Variants in STK17B observed in about 807,000 individuals in gnomAD.
STK17B encodes the protein serine/threonine-protein kinase 17B.
In STK17B, 21 loss-of-function variants were observed where a neutral mutation model predicts 42.0. That is an observed-to-expected ratio of 0.50 (90% CI 0.35 to 0.72). The LOEUF (loss-of-function observed/expected upper bound fraction) is 0.72. Among genes scored for constraint, STK17B ranks in the 30% least tolerant of loss-of-function variants. The pLI, the probability that STK17B is intolerant of heterozygous loss-of-function variation, is 0.00. For missense variants in STK17B, 349 were observed against 446.0 expected (o/e 0.78, Z 1.96); for synonymous variants, 143 against 148.4 (o/e 0.96, Z 0.26).
intron 7 of STK17B, among the ~76,000 whole-genome samples, chr2:196,137,984 G>T (rs1053412272): frequency 4.7e-4 from 72 of 152,012 alleles, no homozygotes; most frequent in Admixed American, 4.0e-3. Context: ...TCATGAAATG[G>T]GTACTATTAT....
intron 1 of STK17B, among the ~76,000 whole-genome samples, chr2:196,169,744 A>AT (rs1176182701): frequency 6.6e-6 from 1 of 152,246 alleles, no homozygotes; most frequent in African/African-American, 2.4e-5. Context: ...CCAAATCGTA[A>AT]TTCACTAATC....
chr2:196,158,737 C>T (rs374602426), intron 2 of STK17B, among the ~76,000 whole-genome samples: 57 of 97,014 alleles, frequency 5.9e-4, no homozygotes, highest in African/African-American at 1.7e-3. Context: ...TTGGGCCAGA[C>T]GTGGTGGCTC....
At chr2:196,176,392 C>T (rs1699997134), upstream of STK17B, 1 of 152,150 alleles carries the variant, frequency 6.6e-6, no homozygotes. Context: ...ATTTGCAAAC[C>T]AAAATATTCA....
chr2:196,157,327 A>G (rs1442904993), intron 2 of STK17B, among the ~76,000 whole-genome samples: 1 of 152,210 alleles, frequency 6.6e-6, no homozygotes, highest in Non-Finnish European at 1.5e-5. Context: ...AGTCAAGGTA[A>G]AGATTTAAAC....
At position 196,168,460 on chromosome 2, in the gene STK17B, C is replaced by T. The variant is rs563458507; in HGVS notation, c.-45+2873G>A. The stretch of plus-strand genomic sequence containing the variant: ...TAAAATATTGTTTACTTAATAGCAC[C>T]GCTTAAGTACTATTTATTCAGTAAC... On this transcript the variant is annotated intron_variant, in intron 1 of 7. Coordinates refer to ENST00000263955, the MANE Select transcript of STK17B (RefSeq NM_004226.4). 3.3e-5 allele frequency among the ~76,000 whole-genome samples: 5 copies of T among 152,218 alleles called. No individual in the cohort carries two copies. In the South Asian group the frequency reaches 1.0e-3, roughly 32 times the overall value.
chr2:196,156,158 TTCAA>T (rs1165212741), intron 3 of STK17B: 8 of 225,984 alleles, frequency 3.5e-5, no homozygotes, highest in South Asian at 2.8e-4. Flanking sequence ...TCCAGAAAAA[TTCAA>T]TCAATTAGCC....
chr2:196,138,813 A>G (rs549430615), intron 7 of STK17B, among the ~76,000 whole-genome samples: 1 of 152,152 alleles, frequency 6.6e-6, no homozygotes, highest in Admixed American at 6.5e-5. Flanking sequence ...TGACCTCATG[A>G]TCTGGCCGCC....
intron 3 of STK17B, among the ~76,000 whole-genome samples, chr2:196,155,916 A>G (rs1349515205): frequency 6.6e-6 from 1 of 152,190 alleles, no homozygotes; most frequent in African/African-American, 2.4e-5. Flanking sequence ...ATAGTGCTTT[A>G]CACATTACAT....
chr2:196,163,379 G>A lies in STK17B; in HGVS notation c.5C>T (p.Ser2Leu), dbSNP rs1699837754. The change falls in exon 2 of 8, where the codon TCG becomes TTG. Residue 2 changes from serine (S) to leucine (L), a missense_variant. Coordinates refer to ENST00000263955, the MANE Select transcript of STK17B (RefSeq NM_004226.4). M[S>L]RRRFDCRSIS... ...ACTTCGGCAATCAAATCTCCTCCTC[G>A]ACATGTTAGGTGATTCCCAGGTCTG... 5 of 1,590,220 alleles carry A rather than the reference G, an allele frequency of 3.1e-6. No individual in the cohort carries two copies. Among genetic ancestry groups the A allele is most frequent in the East Asian group, 2.2e-5 (1 of 44,582 alleles).
upstream of STK17B, among the ~76,000 whole-genome samples, chr2:196,171,787 G>T (rs1381653754): frequency 1.3e-5 from 2 of 149,190 alleles, no homozygotes; most frequent in Non-Finnish European, 3.0e-5. Flanking sequence ...GCGCGGCGGC[G>T]TGGCGGCGCA....
intron 5 of STK17B, among the ~76,000 whole-genome samples, chr2:196,142,140 C>A (rs557323569): frequency 6.6e-6 from 1 of 152,086 alleles, no homozygotes; most frequent in African/African-American, 2.4e-5. Context: ...CTCACTGCAA[C>A]CTCCACCTCT....
chr2:196,161,839 A>G (rs1056213507), intron 2 of STK17B, among the ~76,000 whole-genome samples: 2 of 152,084 alleles, frequency 1.3e-5, no homozygotes, highest in African/African-American at 4.8e-5. Context: ...CTTATTTTGC[A>G]AAAGAAAGGC....
At chr2:196,160,453 T>A (rs961409718) in intron 2 of STK17B, among the ~76,000 whole-genome samples, 2 of 152,242 alleles carry the variant, frequency 1.3e-5, no homozygotes, top group Non-Finnish European at 2.9e-5. Context: ...TAATTTCCTT[T>A]AATTTGCTAA....
At chr2:196,174,700 G>T (rs962510807), upstream of STK17B, among the ~76,000 whole-genome samples, 1 of 152,354 alleles carries the variant, frequency 6.6e-6, no homozygotes, top group Admixed American at 6.5e-5. Context: ...TAGGAATAGT[G>T]AGTGTACTCA....
At chr2:196,147,813 C>G (rs558546528) in intron 3 of STK17B, among the ~76,000 whole-genome samples, 1 of 150,742 alleles carries the variant, frequency 6.6e-6, no homozygotes, top group East Asian at 2.0e-4. Flanking sequence ...CTCACTGCAA[C>G]CTCCACCTCC....
chr2:196,154,029 A>G (rs1423781575), intron 3 of STK17B: 1 of 152,174 alleles, frequency 6.6e-6, no homozygotes, highest in African/African-American at 2.4e-5. Flanking sequence ...CGAGGTCAGG[A>G]GATCAAGACA....
At chr2:196,141,668 A>C (rs1699495935) in intron 5 of STK17B, among the ~76,000 whole-genome samples, 1 of 152,208 alleles carries the variant, frequency 6.6e-6, no homozygotes, top group Non-Finnish European at 1.5e-5. Flanking sequence ...GAAAAAATAA[A>C]AATTGTAACT....
chr2:196,156,740 G>A, intron 2 of STK17B, 89 bp from the exon 3 acceptor site: 1 of 981,078 alleles, frequency 1.0e-6, no homozygotes. Flanking sequence ...CCAACTTAAA[G>A]TCAATTCTTT....
chr2:196,141,558 C>T (rs1251982921), intron 5 of STK17B, among the ~76,000 whole-genome samples: 5 of 152,174 alleles, frequency 3.3e-5, no homozygotes, highest in Non-Finnish European at 2.9e-5. Context: ...ACTCAGGAGG[C>T]TGAGGCAGGA....
Sources: gnomAD v4.1 joint callset for allele counts (sites outside exome capture counted in the v4.1 genomes callset) on GRCh38, gnomAD v4.1.1 for gene constraint, MANE v1.5 for transcripts, NCBI Gene and HGNC (gene_info 2026-07-23, HGNC 2026-07-21) for gene names.